The following KDM4C variants were observed in gnomAD, a reference collection of about 807,000 sequenced individuals.
KDM4C encodes the protein lysine-specific demethylase 4C.
Under a neutral mutation model 129.3 loss-of-function variants are expected in KDM4C, and 81 were observed. The observed-to-expected ratio is 0.63, with a 90% CI of 0.52 to 0.75. The LOEUF (loss-of-function observed/expected upper bound fraction) is 0.75, where lower values mean the gene tolerates loss of function less well. Ranked by LOEUF, KDM4C falls within the 30% of genes least tolerant of loss-of-function variation. The pLI is 0.00. For synonymous variants in KDM4C, 573 were observed against 456.1 expected, an observed-to-expected ratio of 1.26 and a Z score of -3.26; for missense variants, 1,457 against 1,304.0, an observed-to-expected ratio of 1.12 and a Z score of -1.81.
At chr9:7,070,587 A>G (rs1049884996) in intron 17 of KDM4C, among the ~76,000 whole-genome samples, 9 of 152,192 alleles carry the variant, frequency 5.9e-5, no homozygotes, top group East Asian at 3.8e-4. Flanking sequence ...GTAATTAGCT[A>G]TAGTAACAGA....
intron 18 of KDM4C, among the ~76,000 whole-genome samples, chr9:7,122,761 T>C (rs1483633149): frequency 6.7e-6 from 1 of 149,664 alleles, no homozygotes; most frequent in Non-Finnish European, 1.5e-5. Flanking sequence ...TTTTTTAAAA[T>C]GACGTGTATA....
chr9:7,095,258 AG>A (rs1355022573), intron 17 of KDM4C, among the ~76,000 whole-genome samples: 2 of 152,240 alleles, frequency 1.3e-5, no homozygotes, highest in Non-Finnish European at 2.9e-5. Flanking sequence ...CAGAGATTTG[AG>A]GAACTATACA....
chr9:6,748,691 C>A (rs930611798), intron 1 of KDM4C: 5 of 1,358,338 alleles, frequency 3.7e-6, no homozygotes, highest in Middle Eastern at 2.5e-4. Flanking sequence ...TTTCTCACTT[C>A]ATTGATCATT....
intron 17 of KDM4C, among the ~76,000 whole-genome samples, chr9:7,050,099 G>A (rs1281913589): frequency 1.3e-5 from 2 of 151,896 alleles, no homozygotes; most frequent in Non-Finnish European, 2.9e-5. Context: ...CCGTCTCTGG[G>A]GCTCTCTTAT....
chr9:6,759,197 A>G (rs1818898247), intron 1 of KDM4C, among the ~76,000 whole-genome samples: 1 of 152,154 alleles, frequency 6.6e-6, no homozygotes, highest in Non-Finnish European at 1.5e-5. Context: ...TATCCTGGTG[A>G]AAGTTACTAG....
chr9:7,172,005 G>A (rs985363474), intron 21 of KDM4C, among the ~76,000 whole-genome samples: 2 of 152,110 alleles, frequency 1.3e-5, no homozygotes, highest in African/African-American at 2.4e-5. Context: ...CAGTCTTGTC[G>A]TAGCCAGCCT....
rs188702500 is a variant in KDM4C, at chr9:7,153,066, T to C, written c.2782-12172T>C. ...AATTTTACAGTTTCTCCCTAATGAATATATAGAAGCTCAGAATTACTCATA... is the reference window on the plus strand; with the variant it reads ...AATTTTACAGTTTCTCCCTAATGAACATATAGAAGCTCAGAATTACTCATA... On this transcript the variant is annotated intron_variant, in intron 19 of 21. Transcript: ENST00000381309. 2.6e-5 allele frequency among the ~76,000 whole-genome samples: 4 copies of C among 152,332 alleles called. No homozygotes were observed. In the East Asian group the frequency reaches 5.8e-4, roughly 22 times the overall value.
chr9:7,099,424 A>T (rs778322033), intron 17 of KDM4C, among the ~76,000 whole-genome samples: 2 of 152,232 alleles, frequency 1.3e-5, no homozygotes, highest in African/African-American at 2.4e-5. Flanking sequence ...TTAATGGCCT[A>T]TGCCACTGGA....
intron 19 of KDM4C, among the ~76,000 whole-genome samples, chr9:7,161,799 G>A (rs1408818093): frequency 6.6e-6 from 1 of 152,168 alleles, no homozygotes; most frequent in Non-Finnish European, 1.5e-5. Context: ...GATCAGAGAA[G>A]CCTAAATATC....
At chr9:7,134,890 C>T (rs961995321) in intron 19 of KDM4C, among the ~76,000 whole-genome samples, 18 of 152,174 alleles carry the variant, frequency 1.2e-4, no homozygotes, top group African/African-American at 3.9e-4. Flanking sequence ...ACTCTGTAAA[C>T]CTTGTGCCTT....
chr9:6,866,471 A>C (rs1355083291), intron 5 of KDM4C, among the ~76,000 whole-genome samples: 1 of 152,118 alleles, frequency 6.6e-6, no homozygotes, highest in Admixed American at 6.5e-5. Flanking sequence ...GACCTCCTAC[A>C]GTGTAGCACT....
At chr9:6,778,715 T>A (rs1455529498) in intron 1 of KDM4C, among the ~76,000 whole-genome samples, 2 of 151,660 alleles carry the variant, frequency 1.3e-5, no homozygotes, top group African/African-American at 4.8e-5. Flanking sequence ...TGCAGTGAGC[T>A]GGGATCATGC....
intron 5 of KDM4C, among the ~76,000 whole-genome samples, chr9:6,855,777 A>G (rs912213285): frequency 2.6e-5 from 4 of 152,220 alleles, no homozygotes; most frequent in African/African-American, 9.7e-5. Context: ...TTTTAAAAGA[A>G]TGAGCAAGTT....
chr9:6,779,897 G>A (rs1248135157), intron 1 of KDM4C, among the ~76,000 whole-genome samples: 4 of 152,072 alleles, frequency 2.6e-5, no homozygotes, highest in African/African-American at 9.7e-5. Flanking sequence ...TGGTTCATTG[G>A]TGTAATCTTT....
Position 6,896,518 on chromosome 9 carries a change from G to A in KDM4C, c.921+3286G>A, listed in dbSNP as rs1387866296. 3.3e-5 allele frequency among the ~76,000 whole-genome samples: 5 copies of A among 151,254 alleles called. No homozygotes were observed. The East Asian group carries it at 9.7e-4, about 29-fold the overall frequency. ...ATATAATTTTGTGTAATACAAACCA[G>A]TATTTTTAATTAGGTGACTCAGAAA... On this transcript the variant is annotated intron_variant, in intron 8 of 21. Coordinates refer to ENST00000381309, the MANE Select transcript of KDM4C (RefSeq NM_015061.6).
chr9:6,890,776 G>T (rs1846008492), intron 7 of KDM4C, among the ~76,000 whole-genome samples: 1 of 152,104 alleles, frequency 6.6e-6, no homozygotes, highest in African/African-American at 2.4e-5. Flanking sequence ...GTGGGAGCAG[G>T]GTGAGTTTTG....
At chr9:6,985,988 GCTC>G (rs1817628275) in intron 10 of KDM4C, among the ~76,000 whole-genome samples, 1 of 152,188 alleles carries the variant, frequency 6.6e-6, no homozygotes, top group Admixed American at 6.5e-5. Context: ...ACCGTGCCCG[GCTC>G]CTCATCATGC....
chr9:6,741,801 C>T (rs1252334426), intron 1 of KDM4C, among the ~76,000 whole-genome samples: 7 of 150,044 alleles, frequency 4.7e-5, no homozygotes, highest in Admixed American at 3.4e-4. Context: ...CTCCTGGTCT[C>T]AAGGGATTCA....
chr9:6,830,520 A>G (rs531362370), intron 4 of KDM4C, among the ~76,000 whole-genome samples: 29 of 152,354 alleles, frequency 1.9e-4, no homozygotes, highest in African/African-American at 6.5e-4. Context: ...CAAGTTTTTA[A>G]GAGAAAGATG....
Sources: allele counts gnomAD v4.1 joint callset (sites outside exome capture counted in the v4.1 genomes callset), GRCh38; gene constraint gnomAD v4.1.1; transcripts MANE v1.5; gene names NCBI Gene and HGNC (gene_info 2026-07-23, HGNC 2026-07-21).